WWOX: variants seen among roughly 807,000 people sequenced by gnomAD.
WWOX encodes the protein WW domain containing oxidoreductase.
Under a neutral mutation model 46.2 loss-of-function variants are expected in WWOX, and 69 were observed. The ratio of observed to expected loss-of-function variants is 1.49; its 90% confidence interval spans 1.23 to 1.82. WWOX has a LOEUF of 1.82. Among genes scored for constraint, WWOX ranks in the 40% most tolerant of loss-of-function variants. WWOX has a pLI of 0.00. For synonymous variants in WWOX, 359 were observed against 202.6 expected (o/e 1.77, Z -6.56); for missense variants, 919 against 542.6 (o/e 1.69, Z -6.89).
intron 8 of WWOX, among the ~76,000 whole-genome samples, chr16:78,938,157 C>G (rs781387725): frequency 1.6e-4 from 25 of 152,116 alleles, no homozygotes; most frequent in Non-Finnish European, 2.8e-4. Context: ...ACCTTCCTGG[C>G]CTCTGGGAAA....
chr16:79,072,999 A>G (rs1221397246), intron 8 of WWOX, among the ~76,000 whole-genome samples: 2 of 152,220 alleles, frequency 1.3e-5, no homozygotes, highest in East Asian at 3.9e-4. Flanking sequence ...ATGTGCTTCC[A>G]TGTGGCTGTT....
At chr16:78,679,118 C>T (rs1225165718) in intron 8 of WWOX, among the ~76,000 whole-genome samples, 2 of 152,166 alleles carry the variant, frequency 1.3e-5, no homozygotes, top group African/African-American at 4.8e-5. Flanking sequence ...GAGACACCAG[C>T]GTCTTGGACC....
chr16:79,036,476 C>G (rs1190306756), intron 8 of WWOX, among the ~76,000 whole-genome samples: 11 of 152,230 alleles, frequency 7.2e-5, no homozygotes, highest in East Asian at 1.9e-4. Context: ...AGGCCTTTGA[C>G]AAACCCTCCT....
At chr16:79,075,796 A>G (rs572968113) in intron 8 of WWOX, among the ~76,000 whole-genome samples, 43 of 152,278 alleles carry the variant, frequency 2.8e-4, no homozygotes, top group African/African-American at 9.1e-4. Context: ...AGAGGTTTAC[A>G]TACATGGTGT....
chr16:78,759,363 TTC>T (rs1464566119), intron 8 of WWOX, among the ~76,000 whole-genome samples: 2 of 152,176 alleles, frequency 1.3e-5, no homozygotes, highest in Non-Finnish European at 2.9e-5. Context: ...GAAAATATTC[TTC>T]TGTTTCTTTT....
intron 8 of WWOX, among the ~76,000 whole-genome samples, chr16:78,849,529 G>A (rs1217334568): frequency 1.4e-5 from 2 of 142,006 alleles, no homozygotes; most frequent in Admixed American, 7.4e-5. Flanking sequence ...AGCGGAGATC[G>A]TGACACTGCA....
chr16:78,839,654 G>T (rs73577494), intron 8 of WWOX, among the ~76,000 whole-genome samples: 1 of 152,066 alleles, frequency 6.6e-6, no homozygotes, highest in African/African-American at 2.4e-5. Flanking sequence ...CTGTTATGGA[G>T]GGTGGGGAGG....
intron 8 of WWOX, among the ~76,000 whole-genome samples, chr16:78,969,016 C>T (rs368201451): frequency 6.6e-6 from 1 of 152,128 alleles, no homozygotes; most frequent in African/African-American, 2.4e-5. Flanking sequence ...CTGCCTGGAA[C>T]CCGGGGAGTG....
At chr16:78,322,351 T>G (rs550546410) in intron 5 of WWOX, among the ~76,000 whole-genome samples, 1 of 152,230 alleles carries the variant, frequency 6.6e-6, no homozygotes, top group African/African-American at 2.4e-5. Context: ...TGCATTGTTA[T>G]GTATTTCTGA....
intron 8 of WWOX, among the ~76,000 whole-genome samples, chr16:78,759,465 G>C (rs2049737200): frequency 1.3e-5 from 2 of 152,272 alleles, no homozygotes; most frequent in South Asian, 4.2e-4. Context: ...TGAGGATTTT[G>C]GTGGTGTTTG....
Position 78,340,769 on chromosome 16 carries a change from A to G in WWOX, c.517-46091A>G, listed in dbSNP as rs1027860915. ...TGGGGAAGGTGTAGCTCTGACTGCT[A>G]GAGTTCTAGAGCCAAGTGAGGGGGA... On this transcript the variant is annotated intron_variant, in intron 5 of 8. Transcript: ENST00000566780. Among the ~76,000 whole-genome samples, 2 of 118,238 alleles carry G rather than the reference A, an allele frequency of 1.7e-5. 1 individual carries two copies. The highest frequency in any genetic ancestry group is 4.0e-5 in the Non-Finnish European group (2 of 49,908). The allele number at this position is 118,238 out of a possible 152,430, so 77.6% of individuals were successfully genotyped here.
chr16:78,545,102 TTCTC>T (rs1234426484), intron 8 of WWOX, among the ~76,000 whole-genome samples: 1 of 152,220 alleles, frequency 6.6e-6, no homozygotes, highest in Non-Finnish European at 1.5e-5. Context: ...ATTTTAGTGA[TTCTC>T]TAAGTACATA....
intron 5 of WWOX, among the ~76,000 whole-genome samples, chr16:78,195,782 A>C (rs2036029439): frequency 7.1e-6 from 1 of 140,456 alleles, no homozygotes; most frequent in African/African-American, 2.6e-5. Context: ...AGATCGCACC[A>C]CTGCACTCCG....
At position 78,686,371 on chromosome 16, in the gene WWOX, C is replaced by T. The variant is rs370824723; in HGVS notation, c.1056+253619C>T. 9.9e-4 allele frequency among the ~76,000 whole-genome samples: 151 copies of T among 152,204 alleles called. 2 individuals carry two copies. The highest frequency in any genetic ancestry group is 3.5e-3 in the African/African-American group (147 of 41,556). ...CTAAAAATACAAAAAATTAGCCAGG[C>T]GTGGTGGCGGGCGCCTGTAGTCCCA... is the stretch of plus-strand genomic sequence containing the variant. On this transcript the variant is annotated intron_variant, in intron 8 of 8. Coordinates refer to ENST00000566780, the MANE Select transcript of WWOX (RefSeq NM_016373.4).
chr16:78,868,600 A>C (rs2044057925), intron 8 of WWOX, among the ~76,000 whole-genome samples: 1 of 152,244 alleles, frequency 6.6e-6, no homozygotes, highest in Non-Finnish European at 1.5e-5. Context: ...TAGTTACAGG[A>C]ACATAGAAAG....
rs746317044 is a variant in WWOX, at chr16:78,115,146, C to G, written c.401C>G (p.Ser134Ter). 6.2e-7 allele frequency: 1 copy of G among 1,614,190 alleles called. No homozygotes were observed. Among genetic ancestry groups the G allele is most frequent in the Non-Finnish European group, 8.5e-7 (1 of 1,180,036 alleles). ...GKVVVVTGAN[S>*]GIGFETAKSF... ...GTGGTTGTGGTCACTGGAGCTAATT[C>G]AGGAATAGGTAGGCTCTTCACTTAG... is the stretch of plus-strand genomic sequence containing the variant. The change falls in exon 4 of 9, where the codon TCA becomes TGA. Residue 134 changes from serine (S) to a stop codon, truncating the protein, a stop_gained. Transcript: ENST00000566780. LOFTEE classifies it high-confidence loss of function.
At chr16:78,888,772 C>G (rs1454804722) in intron 8 of WWOX, among the ~76,000 whole-genome samples, 1 of 152,016 alleles carries the variant, frequency 6.6e-6, no homozygotes. Flanking sequence ...AGTTCTATGA[C>G]CTTTGTCACT....
intron 8 of WWOX, among the ~76,000 whole-genome samples, chr16:78,883,143 A>T (rs542105327): frequency 6.6e-6 from 1 of 152,350 alleles, no homozygotes; most frequent in Admixed American, 6.5e-5. Context: ...GCCACCACAC[A>T]TGCCTAGGCA....
chr16:79,020,594 A>G (rs1215165319), intron 8 of WWOX, among the ~76,000 whole-genome samples: 2 of 152,192 alleles, frequency 1.3e-5, no homozygotes, highest in Non-Finnish European at 2.9e-5. Flanking sequence ...TTATTAGTAT[A>G]TCATGGTACA....
Sources: allele counts gnomAD v4.1 joint callset (sites outside exome capture counted in the v4.1 genomes callset), GRCh38; gene constraint gnomAD v4.1.1; transcripts MANE v1.5; gene names NCBI Gene and HGNC (gene_info 2026-07-23, HGNC 2026-07-21).